Variants in CNOT2 observed in about 807,000 individuals in gnomAD.
CNOT2 encodes the protein CCR4-NOT transcription complex subunit 2, also known as CC chemokine receptor 4-negative regulator of transcription 2.
A neutral mutation model predicts 72.1 loss-of-function variants in CNOT2; 7 were observed. That is an observed-to-expected ratio of 0.10 (90% CI 0.06 to 0.18). The LOEUF (loss-of-function observed/expected upper bound fraction) is 0.18. CNOT2 is among the 10% of genes least tolerant of loss of function. CNOT2 has a pLI of 1.00. For missense variants in CNOT2, 345 were observed against 660.3 expected (o/e 0.52, Z 5.23); for synonymous variants, 196 against 225.6 (o/e 0.87, Z 1.17).
At chr12:70,295,184 C>T (rs961093271) in intron 2 of CNOT2, among the ~76,000 whole-genome samples, 1 of 152,146 alleles carries the variant, frequency 6.6e-6, no homozygotes, top group African/African-American at 2.4e-5. Flanking sequence ...TTTGCACATA[C>T]AAGACATTCA....
chr12:70,286,510 C>T (rs1000123015), intron 2 of CNOT2, among the ~76,000 whole-genome samples: 1 of 149,934 alleles, frequency 6.7e-6, no homozygotes, highest in African/African-American at 2.4e-5. Flanking sequence ...TTATTCTAAC[C>T]TCCTTAACTA....
chr12:70,335,416 A>T, intron 7 of CNOT2, 22 bp from the exon 8 acceptor site: 4 of 1,543,386 alleles, frequency 2.6e-6, no homozygotes, highest in Non-Finnish European at 1.8e-6. Context: ...ATCAATAACC[A>T]GTGTCCTTTC....
intron 1 of CNOT2, among the ~76,000 whole-genome samples, chr12:70,273,260 G>A (rs545796326): frequency 2.8e-4 from 43 of 151,998 alleles, no homozygotes; most frequent in East Asian, 1.9e-4. Flanking sequence ...AGCTATCTAC[G>A]AAGATTACCA....
In CNOT2 at chr12:70,314,072, T is replaced by C. The variant is rs10506585; in HGVS notation, c.171+3055T>C. ...CACATTAATATCAATATAGATGGTTTTTCGGAAGGATATTTCTCCCTTTAA... is the reference window on the plus strand; with the variant it reads ...CACATTAATATCAATATAGATGGTTCTTCGGAAGGATATTTCTCCCTTTAA... On this transcript the variant is annotated intron_variant, in intron 3 of 15. Transcript: ENST00000229195. 8.5e-3 allele frequency among the ~76,000 whole-genome samples: 1,298 copies of C among 152,288 alleles called. 20 individuals carry two copies. Among genetic ancestry groups the C allele is most frequent in the African/African-American group, 0.029 (1,220 of 41,570 alleles).
chr12:70,303,433 A>G (rs1268997113), intron 2 of CNOT2, among the ~76,000 whole-genome samples: 2 of 152,140 alleles, frequency 1.3e-5, no homozygotes, highest in African/African-American at 2.4e-5. Flanking sequence ...ATGTCTCAGC[A>G]TTTGCTTGTC....
At chr12:70,344,818 TATATG>T (rs1240302595) in intron 14 of CNOT2, 1 of 152,224 alleles carries the variant, frequency 6.6e-6, no homozygotes, top group East Asian at 1.9e-4. Context: ...ATATGTGAAT[TATATG>T]ATATTCATGA....
intron 2 of CNOT2, among the ~76,000 whole-genome samples, chr12:70,291,010 AAAAT>A (rs1871800562): frequency 6.6e-6 from 1 of 152,202 alleles, no homozygotes; most frequent in Non-Finnish European, 1.5e-5. Flanking sequence ...TTTAGAATGA[AAAAT>A]AAAACAGTAC....
At chr12:70,320,299 G>A (rs1304810969) in intron 4 of CNOT2, among the ~76,000 whole-genome samples, 1 of 151,638 alleles carries the variant, frequency 6.6e-6, no homozygotes, top group Non-Finnish European at 1.5e-5. Context: ...GAAAAGCAAA[G>A]TTTTGACAGG....
intron 11 of CNOT2, 68 bp downstream of exon 11, chr12:70,338,890 G>T: frequency 1.5e-6 from 2 of 1,335,986 alleles, no homozygotes; most frequent in Middle Eastern, 3.8e-4. Flanking sequence ...TTAATATCAT[G>T]TCATCAAATT....
chr12:70,308,582 T>TCA (rs1475931770), intron 2 of CNOT2, among the ~76,000 whole-genome samples: 107 of 117,944 alleles, frequency 9.1e-4, no homozygotes, highest in Admixed American at 2.0e-3. Context: ...TCTCTCTCTC[T>TCA]CTCACACACA....
chr12:70,315,383 A>G (rs1877156470), intron 3 of CNOT2, among the ~76,000 whole-genome samples: 1 of 151,982 alleles, frequency 6.6e-6, no homozygotes, highest in South Asian at 2.1e-4. Context: ...AAAAGTCATA[A>G]TTCATTTGTG....
chr12:70,311,710 C>T (rs539970626), intron 3 of CNOT2, among the ~76,000 whole-genome samples: 1 of 152,030 alleles, frequency 6.6e-6, no homozygotes, highest in African/African-American at 2.4e-5. Flanking sequence ...ATACAATGTA[C>T]TCTCTAGTCA....
chr12:70,338,861 C>T, intron 11 of CNOT2, 39 bp downstream of exon 11: 9 of 1,517,954 alleles, frequency 5.9e-6, no homozygotes, highest in African/African-American at 1.4e-5. Flanking sequence ...TATATAATAC[C>T]TCTTCAGACT....
At position 70,281,318 on chromosome 12, in the gene CNOT2, C is replaced by G. The variant is rs188874612; in HGVS notation, c.48+3044C>G. Among the ~76,000 whole-genome samples, 277 of 152,118 alleles carry G rather than the reference C, an allele frequency of 1.8e-3. 1 individual carries two copies. The highest frequency in any genetic ancestry group is 6.6e-3 in the African/African-American group (272 of 41,512). On this transcript the variant is annotated intron_variant, in intron 2 of 15. Transcript: ENST00000229195. ...CAGGCTGGCCTCGAACTCCTGACCT[C>G]GTGATCTGCCCGCCTTGGCCTCTGA... is the stretch of plus-strand genomic sequence containing the variant.
Position 70,353,981 on chromosome 12 carries a change from CAACAT to C in CNOT2, c.*70_*74del. The C allele has an allele frequency of 6.6e-7, 1 of 1,506,646 alleles. No homozygotes were observed. Among genetic ancestry groups the C allele is most frequent in the Non-Finnish European group, 8.9e-7 (1 of 1,129,230 alleles). 93.3% of individuals were successfully genotyped at this position (1,506,646 alleles called of 1,614,324 possible). On this transcript the variant is annotated 3_prime_UTR_variant, in exon 16 of 16. Coordinates refer to ENST00000229195, the MANE Select transcript of CNOT2 (RefSeq NM_014515.7). ...GGTATGGCTGTCTCAGCACAATACT[CAACAT>C]AACTGCAGAACTGATGTGGCTCAGG...
chr12:70,309,233 A>AATAAATTGTT (rs1334543504), intron 2 of CNOT2, among the ~76,000 whole-genome samples: 1 of 152,234 alleles, frequency 6.6e-6, no homozygotes, highest in African/African-American at 2.4e-5. Context: ...AAAAAAGATT[A>AATAAATTGTT]AGTACCTGTG....
chr12:70,329,935 A>G (rs1411344424), intron 5 of CNOT2, among the ~76,000 whole-genome samples: 1 of 152,076 alleles, frequency 6.6e-6, no homozygotes, highest in African/African-American at 2.4e-5. Flanking sequence ...AGCATAAAGT[A>G]AAACAGATGA....
intron 1 of CNOT2, among the ~76,000 whole-genome samples, chr12:70,261,062 A>G (rs1012706504): frequency 6.6e-6 from 1 of 151,096 alleles, no homozygotes; most frequent in East Asian, 1.9e-4. Flanking sequence ...TTCTATTTCT[A>G]GTATGTTGAG....
chr12:70,338,854 A>G (rs1299062505), intron 11 of CNOT2, 32 bp downstream of exon 11: 4 of 1,573,318 alleles, frequency 2.5e-6, no homozygotes, highest in Non-Finnish European at 2.6e-6. Flanking sequence ...ATGTCTGTAT[A>G]TAATACCTCT....
Sources: gnomAD v4.1 joint callset for allele counts (sites outside exome capture counted in the v4.1 genomes callset) on GRCh38, gnomAD v4.1.1 for gene constraint, MANE v1.5 for transcripts, NCBI Gene and HGNC (gene_info 2026-07-23, HGNC 2026-07-21) for gene names.